TMEM132D: variants seen among roughly 807,000 people sequenced by gnomAD.
TMEM132D encodes the protein transmembrane protein 132D.
In TMEM132D, 21 loss-of-function variants were observed where a neutral mutation model predicts 62.3. That is an observed-to-expected ratio of 0.34 (90% CI 0.24 to 0.49). TMEM132D has a LOEUF of 0.49. Among genes scored for constraint, TMEM132D ranks in the 20% least tolerant of loss-of-function variants. The pLI is 0.99. For missense variants in TMEM132D, 1,346 were observed against 1,402.8 expected (o/e 0.96, Z 0.65); for synonymous variants, 621 against 575.6 (o/e 1.08, Z -1.13).
At position 129,074,920 on chromosome 12, in the gene TMEM132D, T is replaced by C. The variant is rs2135605220; in HGVS notation, c.2255A>G (p.Lys752Arg). 1.9e-6 allele frequency: 3 copies of C among 1,614,056 alleles called. No individual in the cohort carries two copies. The highest frequency in any genetic ancestry group is 2.5e-6 in the Non-Finnish European group (3 of 1,180,024). The change falls in exon 9 of 9, where the codon AAG (lysine) becomes AGG (arginine). Residue 752 changes from lysine (K) to arginine (R), a missense_variant. By Grantham distance (26) the Lys-to-Arg change is conservative (BLOSUM62 2). Coordinates refer to ENST00000422113, the MANE Select transcript of TMEM132D (RefSeq NM_133448.3). ...TGTTTCCGCAGCAATGATAGGCCAC[T>C]TGAATTTGGGGTCTTGGTGGATGGA... ...VVSIHQDPKF[K>R]WPIIAAETEG...
intron 5 of TMEM132D, among the ~76,000 whole-genome samples, chr12:129,124,348 C>CATT (rs1456393821): frequency 6.6e-6 from 1 of 152,152 alleles, no homozygotes; most frequent in Non-Finnish European, 1.5e-5. Context: ...TACCTTAATA[C>CATT]ATTTATGTGC....
chr12:129,166,851 G>A (rs1877577662), intron 5 of TMEM132D, among the ~76,000 whole-genome samples: 1 of 151,664 alleles, frequency 6.6e-6, no homozygotes, highest in East Asian at 1.9e-4. Flanking sequence ...ATTTTCCTGG[G>A]CTAGCTCAGC....
chr12:129,134,134 CTGTG>C (rs751171179), intron 5 of TMEM132D, among the ~76,000 whole-genome samples: 5 of 76,870 alleles, frequency 6.5e-5, no homozygotes, highest in Admixed American at 1.1e-4. Flanking sequence ...GTGTGTGTGT[CTGTG>C]TGTGTGTGTC....
At chr12:129,740,977 T>C (rs1379916702) in intron 1 of TMEM132D, among the ~76,000 whole-genome samples, 2 of 152,192 alleles carry the variant, frequency 1.3e-5, no homozygotes, top group African/African-American at 4.8e-5. Context: ...GGGCCCTGAA[T>C]TATGTCCAAC....
At chr12:129,763,640 T>C (rs762537282) in intron 1 of TMEM132D, among the ~76,000 whole-genome samples, 97 of 152,256 alleles carry the variant, frequency 6.4e-4, no homozygotes, top group Admixed American at 1.1e-3. Flanking sequence ...CTACTGTTTC[T>C]GGGTTTTGAG....
chr12:129,204,421 T>A (rs896051566), intron 5 of TMEM132D, among the ~76,000 whole-genome samples: 1 of 152,050 alleles, frequency 6.6e-6, no homozygotes, highest in African/African-American at 2.4e-5. Flanking sequence ...GCTGAAGAAA[T>A]CTCAGAGCTT....
chr12:129,273,776 G>A (rs1880925499), intron 4 of TMEM132D, among the ~76,000 whole-genome samples: 1 of 151,712 alleles, frequency 6.6e-6, no homozygotes, highest in Non-Finnish European at 1.5e-5. Context: ...GAGTGGGGAG[G>A]TAGGGAGGAA....
chr12:129,496,094 C>G (rs1288195216), intron 3 of TMEM132D, among the ~76,000 whole-genome samples: 1 of 152,188 alleles, frequency 6.6e-6, no homozygotes, highest in Non-Finnish European at 1.5e-5. Flanking sequence ...GTTTCATTCA[C>G]TTCACTATTC....
At chr12:129,276,564 G>A (rs1408232789) in intron 4 of TMEM132D, among the ~76,000 whole-genome samples, 3 of 152,108 alleles carry the variant, frequency 2.0e-5, no homozygotes, top group Non-Finnish European at 4.4e-5. Context: ...AGATAAAGTC[G>A]TGCAGGCGTG....
At chr12:129,284,211 T>C (rs1881232852) in intron 4 of TMEM132D, among the ~76,000 whole-genome samples, 1 of 152,216 alleles carries the variant, frequency 6.6e-6, no homozygotes, top group Non-Finnish European at 1.5e-5. Flanking sequence ...TTGGCTCAGC[T>C]CACAGCTGGC....
In TMEM132D at chr12:129,175,048, T is replaced by A. The variant is rs528696145; in HGVS notation, c.1443+34472A>T. Among the ~76,000 whole-genome samples the A allele has an allele frequency of 2.0e-5, 3 of 152,364 alleles. No individual in the cohort carries two copies. The South Asian group carries it at 6.2e-4, about 32-fold the overall frequency. On this transcript the variant is annotated intron_variant, in intron 5 of 8. Transcript: ENST00000422113. ...TTGCCTGTTCACTCTTATGATAGTT[T>A]CTTTTGCTGTGCAGAAGTTCTTTAG...
At chr12:129,112,235 G>C (rs987043929) in intron 5 of TMEM132D, among the ~76,000 whole-genome samples, 1 of 152,212 alleles carries the variant, frequency 6.6e-6, no homozygotes, top group South Asian at 2.1e-4. Context: ...TGCATTCTGG[G>C]GTGAATGTAT....
At chr12:129,484,802 T>G (rs2137055814) in intron 3 of TMEM132D, among the ~76,000 whole-genome samples, 1 of 152,370 alleles carries the variant, frequency 6.6e-6, no homozygotes, top group Non-Finnish European at 1.5e-5. Context: ...TAGAAATAAC[T>G]GGCGTGTATC....
intron 3 of TMEM132D, among the ~76,000 whole-genome samples, chr12:129,390,234 C>T (rs1360783024): frequency 1.3e-5 from 2 of 152,174 alleles, no homozygotes; most frequent in Non-Finnish European, 2.9e-5. Context: ...TTTTTTGTGC[C>T]TGAAGTTCTA....
intron 2 of TMEM132D, among the ~76,000 whole-genome samples, chr12:129,574,983 C>T (rs180813883): frequency 2.0e-5 from 3 of 151,844 alleles, no homozygotes; most frequent in Admixed American, 2.0e-4. Context: ...GCAGCCAGAG[C>T]AACAATGCAG....
At chr12:129,405,980 C>G (rs947621566) in intron 3 of TMEM132D, among the ~76,000 whole-genome samples, 4 of 152,168 alleles carry the variant, frequency 2.6e-5, no homozygotes, top group African/African-American at 9.7e-5. Flanking sequence ...TTAAATCCCT[C>G]AAACATCTAT....
intron 2 of TMEM132D, among the ~76,000 whole-genome samples, chr12:129,607,992 C>T (rs1350582687): frequency 6.6e-6 from 1 of 152,174 alleles, no homozygotes; most frequent in East Asian, 1.9e-4. Flanking sequence ...GAGGAGCCGA[C>T]AGATCAGCGT....
intron 1 of TMEM132D, among the ~76,000 whole-genome samples, chr12:129,836,816 G>A (rs1005857748): frequency 1.3e-5 from 2 of 152,110 alleles, no homozygotes; most frequent in African/African-American, 4.8e-5. Flanking sequence ...GCAGTCTGAG[G>A]CAACGATTAT....
chr12:129,311,193 G>A (rs1262219095), intron 4 of TMEM132D, among the ~76,000 whole-genome samples: 2 of 50,308 alleles, frequency 4.0e-5, no homozygotes, highest in Non-Finnish European at 5.6e-5. Flanking sequence ...GCGAGACTCC[G>A]TCTCAAAAAA....
Sources: allele counts gnomAD v4.1 joint callset (sites outside exome capture counted in the v4.1 genomes callset), GRCh38; gene constraint gnomAD v4.1.1; transcripts MANE v1.5; gene names NCBI Gene and HGNC (gene_info 2026-07-23, HGNC 2026-07-21).